Variants in CTNNA3 observed in about 807,000 individuals in gnomAD.
CTNNA3 encodes catenin alpha 3.
In CTNNA3, 76 loss-of-function variants were observed where a neutral mutation model predicts 95.7. The observed-to-expected ratio is 0.79, with a 90% CI of 0.66 to 0.96. The LOEUF (loss-of-function observed/expected upper bound fraction) is 0.96, where lower values mean the gene tolerates loss of function less well. Among genes scored for constraint, CTNNA3 ranks in the 40% least tolerant of loss-of-function variants. The pLI is 0.00. For synonymous variants in CTNNA3, 431 were observed against 374.4 expected (o/e 1.15, Z -1.74); for missense variants, 1,191 against 1,089.8 (o/e 1.09, Z -1.31).
At chr10:66,156,391 T>A in intron 13 of CTNNA3, among the ~76,000 whole-genome samples, 1 of 151,986 alleles carries the variant, frequency 6.6e-6, no homozygotes. Context: ...AAAAAACTAG[T>A]AAAGGATTTG....
chr10:66,739,584 A>T (rs1589194950), intron 9 of CTNNA3, among the ~76,000 whole-genome samples: 1 of 152,256 alleles, frequency 6.6e-6, no homozygotes, highest in South Asian at 2.1e-4. Context: ...TTACTATTAG[A>T]TTTCTTTTTA....
At chr10:66,552,203 G>A (rs886474476) in intron 10 of CTNNA3, among the ~76,000 whole-genome samples, 6 of 152,052 alleles carry the variant, frequency 3.9e-5, no homozygotes, top group Non-Finnish European at 7.4e-5. Context: ...ACTCTTGGCC[G>A]GGATTAGGGA....
intron 12 of CTNNA3, among the ~76,000 whole-genome samples, chr10:66,366,328 G>A (rs2092711115): frequency 6.6e-6 from 1 of 152,158 alleles, no homozygotes; most frequent in Non-Finnish European, 1.5e-5. Flanking sequence ...TAAGGTTTTT[G>A]AGCTTGGAAA....
chr10:67,137,069 T>C (rs1301026030), intron 7 of CTNNA3, among the ~76,000 whole-genome samples: 1 of 152,006 alleles, frequency 6.6e-6, no homozygotes, highest in Non-Finnish European at 1.5e-5. Context: ...GATCAAGGGT[T>C]GGATGAGGAG....
chr10:67,124,476 A>T (rs970635467), intron 7 of CTNNA3, among the ~76,000 whole-genome samples: 3 of 152,052 alleles, frequency 2.0e-5, no homozygotes, highest in East Asian at 1.9e-4. Context: ...TCTAGATTAC[A>T]TTTGTCACAT....
chr10:67,121,176 G>A (rs1859446257), intron 7 of CTNNA3, among the ~76,000 whole-genome samples: 2 of 152,012 alleles, frequency 1.3e-5, no homozygotes, highest in South Asian at 2.1e-4. Flanking sequence ...CTGTCATAAA[G>A]CTACATAAAA....
intron 13 of CTNNA3, among the ~76,000 whole-genome samples, chr10:66,207,346 T>C (rs933468878): frequency 2.5e-4 from 38 of 152,054 alleles, no homozygotes; most frequent in African/African-American, 9.1e-4. Context: ...ATAGAAGAGA[T>C]ATTTACTGTA....
intron 11 of CTNNA3, among the ~76,000 whole-genome samples, chr10:66,477,586 T>TATGA (rs1565000913): frequency 6.6e-6 from 1 of 152,030 alleles, no homozygotes; most frequent in Non-Finnish European, 1.5e-5. Context: ...CGTATTGTAA[T>TATGA]ATGAATGCAT....
At chr10:66,513,565 G>A (rs1276563663) in intron 11 of CTNNA3, among the ~76,000 whole-genome samples, 1 of 152,182 alleles carries the variant, frequency 6.6e-6, no homozygotes, top group Non-Finnish European at 1.5e-5. Context: ...GTACATAGTG[G>A]CCCTGTTATT....
chr10:66,708,000 A>G (rs186919018), intron 9 of CTNNA3, among the ~76,000 whole-genome samples: 18 of 152,282 alleles, frequency 1.2e-4, no homozygotes, highest in Admixed American at 9.2e-4. Context: ...TCATAATGTT[A>G]AAGTCACTCA....
At position 67,560,324 on chromosome 10, in the gene CTNNA3, G is replaced by A. The variant is rs368033912; in HGVS notation, c.293-20655C>T. Among the ~76,000 whole-genome samples the A allele has an allele frequency of 8.0e-3, 1,139 of 141,522 alleles. 10 individuals carry two copies. The highest frequency in any genetic ancestry group is 0.019 in the Middle Eastern group (5 of 266). The allele number at this position is 141,522 out of a possible 152,430, so 92.8% of individuals were successfully genotyped here. ...CTCTACAAACCAGAAGAGAGTGGGG[G>A]CCAATATTCAACATTCTTAAAGAAA... On this transcript the variant is annotated intron_variant, in intron 3 of 17. Transcript: ENST00000433211.
chr10:66,449,982 C>T (rs1356009290), intron 11 of CTNNA3, among the ~76,000 whole-genome samples: 1 of 151,436 alleles, frequency 6.6e-6, no homozygotes, highest in Non-Finnish European at 1.5e-5. Context: ...ATCATATTCT[C>T]CATCAGAGAT....
In CTNNA3 at chr10:66,411,396, A is replaced by G. The variant is rs1029189483; in HGVS notation, c.1532-32044T>C. ...TTGATTTTGTTTTTCCTTCTGGTAC[A>G]TAAACACTATCAGGAGATAACATTT... On this transcript the variant is annotated intron_variant, in intron 11 of 17. Transcript: ENST00000433211. Among the ~76,000 whole-genome samples, 3 of 152,070 alleles carry G rather than the reference A, an allele frequency of 2.0e-5. No individual in the cohort carries two copies. The East Asian group carries it at 5.8e-4, about 29-fold the overall frequency.
intron 8 of CTNNA3, among the ~76,000 whole-genome samples, chr10:66,772,444 AG>A: frequency 3.0e-4 from 2 of 6,602 alleles, no homozygotes; most frequent in African/African-American, 4.3e-3. Flanking sequence ...AAAAAAAAAG[AG>A]AGAGAGAGAA....
At chr10:67,703,203 A>G (rs1841055355) in intron 1 of CTNNA3, among the ~76,000 whole-genome samples, 1 of 152,190 alleles carries the variant, frequency 6.6e-6, no homozygotes, top group African/African-American at 2.4e-5. Flanking sequence ...AGGTACAAAC[A>G]GGAGCTGGTA....
At chr10:66,197,029 T>C (rs1214299685) in intron 13 of CTNNA3, among the ~76,000 whole-genome samples, 1 of 152,160 alleles carries the variant, frequency 6.6e-6, no homozygotes, top group Non-Finnish European at 1.5e-5. Context: ...GTGAAGAACA[T>C]AAGACAGCAT....
chr10:66,733,414 G>A (rs1849027587), intron 9 of CTNNA3, among the ~76,000 whole-genome samples: 1 of 151,838 alleles, frequency 6.6e-6, no homozygotes, highest in African/African-American at 2.4e-5. Context: ...CTTCATTGCA[G>A]ATTATAATTA....
intron 6 of CTNNA3, among the ~76,000 whole-genome samples, chr10:67,207,133 T>TAACAA (rs1170420499): frequency 6.6e-5 from 10 of 151,986 alleles, no homozygotes; most frequent in Admixed American, 2.6e-4. Context: ...GTTCATCTCA[T>TAACAA]AACAAAACAA....
At chr10:67,658,377 A>G (rs1840085998) in intron 1 of CTNNA3, among the ~76,000 whole-genome samples, 1 of 152,208 alleles carries the variant, frequency 6.6e-6, no homozygotes, top group African/African-American at 2.4e-5. Flanking sequence ...ATCCCCTTTT[A>G]AGTGAAAGAA....
Sources: allele counts gnomAD v4.1 joint callset (sites outside exome capture counted in the v4.1 genomes callset), GRCh38; gene constraint gnomAD v4.1.1; transcripts MANE v1.5; gene names NCBI Gene and HGNC (gene_info 2026-07-23, HGNC 2026-07-21).